The following RBFOX1 variants were observed in gnomAD, a reference collection of about 807,000 sequenced individuals.
RBFOX1 encodes RNA binding fox-1 homolog 1, also known as RNA binding protein fox-1 homolog 1.
In RBFOX1, 8 loss-of-function variants were observed where a neutral mutation model predicts 57.7. The ratio of observed to expected loss-of-function variants is 0.14; its 90% CI spans 0.08 to 0.25. The LOEUF (loss-of-function observed/expected upper bound fraction) is 0.25. Among genes scored for constraint, RBFOX1 ranks in the 10% least tolerant of loss-of-function variants. The probability of loss-of-function intolerance (pLI) is 1.00; values close to 1 mark genes in which losing one functional copy is unlikely to be tolerated. For synonymous variants in RBFOX1, 326 were observed against 222.4 expected, an observed-to-expected ratio of 1.47 and a Z score of -4.15; for missense variants, 611 against 548.5, an observed-to-expected ratio of 1.11 and a Z score of -1.14.
intron 4 of RBFOX1, among the ~76,000 whole-genome samples, chr16:5,974,668 G>A (rs1255557506): frequency 6.6e-6 from 1 of 151,920 alleles, no homozygotes; most frequent in Non-Finnish European, 1.5e-5. Flanking sequence ...TTAGTTTAAG[G>A]ATTTCATTAG....
chr16:6,797,428 T>C (rs928475995), intron 3 of RBFOX1, among the ~76,000 whole-genome samples: 2 of 152,082 alleles, frequency 1.3e-5, no homozygotes, highest in African/African-American at 4.8e-5. Flanking sequence ...TAGAGTTGCT[T>C]TGTTGCGCAA....
intron 2 of RBFOX1, among the ~76,000 whole-genome samples, chr16:6,634,391 C>T (rs917250098): frequency 2.0e-5 from 3 of 151,998 alleles, no homozygotes; most frequent in Admixed American, 6.6e-5. Flanking sequence ...ACCAAACCTC[C>T]GTGAGTATGT....
At chr16:5,360,441 C>T (rs1490028507) in intron 1 of RBFOX1, among the ~76,000 whole-genome samples, 2 of 152,178 alleles carry the variant, frequency 1.3e-5, no homozygotes, top group Non-Finnish European at 1.5e-5. Flanking sequence ...GCTGGCTTGC[C>T]GGGAGGCTTC....
chr16:5,995,111 C>T (rs1363849114), intron 4 of RBFOX1, among the ~76,000 whole-genome samples: 2 of 152,142 alleles, frequency 1.3e-5, no homozygotes. Flanking sequence ...CATTTCTGTA[C>T]CTTACACTAT....
intron 3 of RBFOX1, among the ~76,000 whole-genome samples, chr16:6,672,374 A>G (rs183876247): frequency 9.3e-5 from 14 of 151,222 alleles, no homozygotes; most frequent in Admixed American, 4.6e-4. Context: ...GAAGAGGGAG[A>G]AAGAGAGAGA....
At chr16:5,558,891 A>C (rs1352745737) in intron 2 of RBFOX1, among the ~76,000 whole-genome samples, 1 of 152,142 alleles carries the variant, frequency 6.6e-6, no homozygotes, top group African/African-American at 2.4e-5. Context: ...GAACTTGTTA[A>C]AATGTGCAGT....
At chr16:7,370,550 C>A (rs1006179918) in intron 4 of RBFOX1, among the ~76,000 whole-genome samples, 1 of 152,186 alleles carries the variant, frequency 6.6e-6, no homozygotes, top group Non-Finnish European at 1.5e-5. Flanking sequence ...TTTAACTCCT[C>A]TAAAGGGCAT....
rs187473746 is a variant in RBFOX1, at chr16:7,016,309, A to G, written c.-15-35748A>G. Among the ~76,000 whole-genome samples, 38 of 152,272 alleles carry G rather than the reference A, an allele frequency of 2.5e-4. 1 individual carries two copies. Among genetic ancestry groups the G allele is most frequent in the Middle Eastern group, 3.4e-3 (1 of 294 alleles). ...GTAGATCCTTCTGCCATACTATTCA[A>G]ACTGAAGACTGGGAGTTAATATGGT... On this transcript the variant is annotated intron_variant, in intron 3 of 15. Transcript: ENST00000550418.
chr16:5,326,282 C>T (rs774681397), intron 1 of RBFOX1, among the ~76,000 whole-genome samples: 6 of 152,166 alleles, frequency 3.9e-5, no homozygotes, highest in Non-Finnish European at 5.9e-5. Context: ...AAACTAACAG[C>T]TTTCGGATGT....
At chr16:7,652,026 G>T (rs2065166837) in intron 11 of RBFOX1, among the ~76,000 whole-genome samples, 1 of 151,970 alleles carries the variant, frequency 6.6e-6, no homozygotes, top group African/African-American at 2.4e-5. Flanking sequence ...GGGAGGAAGG[G>T]CATCCCAGGT....
At chr16:5,513,997 TA>T (rs2043697958) in intron 2 of RBFOX1, among the ~76,000 whole-genome samples, 1 of 152,244 alleles carries the variant, frequency 6.6e-6, no homozygotes, top group African/African-American at 2.4e-5. Context: ...TTGTCATGTA[TA>T]TAAATTATTT....
intron 1 of RBFOX1, among the ~76,000 whole-genome samples, chr16:6,049,052 GC>G (rs1424996606): frequency 2.3e-5 from 3 of 130,378 alleles, no homozygotes; most frequent in South Asian, 2.5e-4. Context: ...TCTTCTAACA[GC>G]TTTTTTTTTT....
rs140569265 is a variant in RBFOX1 at position 7,677,611 on chromosome 16, C to T, written c.995+773C>T. ...GCCGTAGCTACTTTTGTATGGTTGC[C>T]TTGAAAAGGAAAGTGTGTGTTTTCA... is the stretch of plus-strand genomic sequence containing the variant. On this transcript the variant is annotated intron_variant, in intron 14 of 15. Coordinates refer to ENST00000550418, the MANE Select transcript of RBFOX1 (RefSeq NM_018723.4). 9.6e-3 allele frequency among the ~76,000 whole-genome samples: 1,466 copies of T among 152,192 alleles called. 31 individuals carry two copies. Among genetic ancestry groups the T allele is most frequent in the African/African-American group, 0.034 (1,411 of 41,536 alleles).
chr16:6,608,589 G>C (rs1430110078), intron 2 of RBFOX1, among the ~76,000 whole-genome samples: 1 of 152,140 alleles, frequency 6.6e-6, no homozygotes, highest in Non-Finnish European at 1.5e-5. Context: ...AGGAGTTTGA[G>C]ATGAGCTTGG....
intron 3 of RBFOX1, among the ~76,000 whole-genome samples, chr16:6,780,593 T>A (rs1603622649): frequency 7.1e-6 from 1 of 141,790 alleles, no homozygotes; most frequent in South Asian, 2.1e-4. Flanking sequence ...TTTATATATA[T>A]ATTTCTTTTT....
At chr16:6,079,586 C>T (rs369134338) in intron 1 of RBFOX1, among the ~76,000 whole-genome samples, 1 of 151,068 alleles carries the variant, frequency 6.6e-6, no homozygotes, top group Non-Finnish European at 1.5e-5. Flanking sequence ...CCAAAATAAG[C>T]TACCACTCCT....
intron 1 of RBFOX1, among the ~76,000 whole-genome samples, chr16:6,125,285 G>A (rs1000879063): frequency 1.3e-5 from 2 of 152,176 alleles, no homozygotes; most frequent in Non-Finnish European, 2.9e-5. Flanking sequence ...GTCACTAGAT[G>A]GAGGAGGATA....
At chr16:7,199,206 G>C (rs1237416934) in intron 4 of RBFOX1, among the ~76,000 whole-genome samples, 2 of 152,192 alleles carry the variant, frequency 1.3e-5, no homozygotes, top group Non-Finnish European at 2.9e-5. Flanking sequence ...CTTCAGCATA[G>C]AGGGGGACAT....
At chr16:5,911,915 G>T (rs932334383) in intron 4 of RBFOX1, among the ~76,000 whole-genome samples, 5 of 152,130 alleles carry the variant, frequency 3.3e-5, no homozygotes, top group Non-Finnish European at 7.3e-5. Flanking sequence ...TGGGGATTCG[G>T]ATTTCAGTAT....
Sources: gnomAD v4.1 joint callset for allele counts (sites outside exome capture counted in the v4.1 genomes callset) on GRCh38, gnomAD v4.1.1 for gene constraint, MANE v1.5 for transcripts, NCBI Gene and HGNC (gene_info 2026-07-23, HGNC 2026-07-21) for gene names.